The following HDAC8 variants were observed in gnomAD, a reference collection of about 807,000 sequenced individuals.
HDAC8 encodes the protein histone deacetylase-like 1.
In HDAC8, 1 loss-of-function variant was observed where a neutral mutation model predicts 32.2. The ratio of observed to expected loss-of-function variants is 0.03; its 90% confidence interval spans 0.01 to 0.15. HDAC8 has a LOEUF of 0.15. HDAC8 is among the 10% of genes least tolerant of loss of function. The pLI, the probability that HDAC8 is intolerant of heterozygous loss-of-function variation, is 1.00. For missense variants in HDAC8, 117 were observed against 300.0 expected (o/e 0.39, Z 4.51); for synonymous variants, 108 against 113.9 (o/e 0.95, Z 0.33).
At chrX:72,460,158 A>G (rs1349522400) in intron 9 of HDAC8, among the ~76,000 whole-genome samples, 1 of 110,419 alleles carries the variant, frequency 9.1e-6, no homozygotes, top group Non-Finnish European at 1.9e-5. Context: ...TTTTTTTGAG[A>G]CGGAGTGTCA....
intron 10 of HDAC8, among the ~76,000 whole-genome samples, chrX:72,346,097 A>G (rs1274109161): frequency 2.7e-5 from 3 of 112,210 alleles, no homozygotes; most frequent in Non-Finnish European, 5.6e-5. Flanking sequence ...TAGTGAAACA[A>G]GAAAGAGAGG....
At chrX:72,521,584 A>T (rs782103785) in intron 4 of HDAC8, among the ~76,000 whole-genome samples, 1 of 111,193 alleles carries the variant, frequency 9.0e-6, no homozygotes, top group South Asian at 3.8e-4. Context: ...GGTGCTGAAA[A>T]ACTGATGGGG....
At chrX:72,545,742 T>C (rs782040904) in intron 4 of HDAC8, among the ~76,000 whole-genome samples, 19 of 111,972 alleles carry the variant, frequency 1.7e-4, no homozygotes, top group South Asian at 3.8e-4. Flanking sequence ...TCTGGGCTAC[T>C]ATGGTAAAGG....
Position 72,542,975 on chromosome X carries a change from T to C in HDAC8, c.437+24914A>G, listed in dbSNP as rs1236334723. Among the ~76,000 whole-genome samples, 3 of 112,322 alleles carry C rather than the reference T, an allele frequency of 2.7e-5. No homozygotes were observed. The East Asian group carries it at 8.3e-4, about 31-fold the overall frequency. ...CTGTTTTTTGAGGTAGGTAGTATTA[T>C]CATCTCCCTTTTATAGTCAGGAACT... On this transcript the variant is annotated intron_variant, in intron 4 of 10. Transcript: ENST00000373573.
At chrX:72,453,478 A>AAGAG (rs1367867109) in intron 9 of HDAC8, among the ~76,000 whole-genome samples, 2 of 103,005 alleles carry the variant, frequency 1.9e-5, no homozygotes, top group Non-Finnish European at 3.9e-5. Flanking sequence ...GAAAGAAAGA[A>AAGAG]AGAAAGAAAG....
chrX:72,457,976 G>T (rs189904735), intron 9 of HDAC8, among the ~76,000 whole-genome samples: 2 of 111,416 alleles, frequency 1.8e-5, no homozygotes, highest in East Asian at 5.6e-4. Context: ...AAACCTATGT[G>T]ATGATACACA....
chrX:72,475,196 G>C (rs888163959), intron 7 of HDAC8, among the ~76,000 whole-genome samples: 6 of 111,738 alleles, frequency 5.4e-5, no homozygotes, highest in African/African-American at 2.0e-4. Flanking sequence ...CCTCAATAGA[G>C]ATTAAAGAAT....
chrX:72,510,643 A>G (rs781874424), intron 4 of HDAC8, among the ~76,000 whole-genome samples: 22 of 111,219 alleles, frequency 2.0e-4, no homozygotes, highest in Non-Finnish European at 4.1e-4. Flanking sequence ...ACTACAGAAA[A>G]ATCCAAGTGG....
At chrX:72,415,060 G>A in intron 9 of HDAC8, among the ~76,000 whole-genome samples, 1 of 111,966 alleles carries the variant, frequency 8.9e-6, no homozygotes, top group East Asian at 2.8e-4. Flanking sequence ...CCTCCCAATT[G>A]TTTTTATTTT....
chrX:72,476,925 G>C (rs1304846117), intron 7 of HDAC8, among the ~76,000 whole-genome samples: 1 of 111,604 alleles, frequency 9.0e-6, no homozygotes, highest in Non-Finnish European at 1.9e-5. Flanking sequence ...ATTTCATCGT[G>C]TCACTGCCCG....
chrX:72,474,703 C>G, intron 7 of HDAC8: 8 of 1,202,704 alleles, frequency 6.7e-6, no homozygotes, highest in Non-Finnish European at 9.0e-6. Context: ...CTTCTACAGG[C>G]CTGGATTTGG....
chrX:72,572,599 G>GGCCCCCC, intron 1 of HDAC8, 52 bp downstream of exon 1: 32 of 453,058 alleles, frequency 7.1e-5, no homozygotes, highest in Middle Eastern at 4.8e-4. Flanking sequence ...TTCGTCCACC[G>GGCCCCCC]CCCCCACCCC....
At chrX:72,461,232 C>T (rs2047859086) in intron 9 of HDAC8, among the ~76,000 whole-genome samples, 1 of 111,298 alleles carries the variant, frequency 9.0e-6, no homozygotes, top group Admixed American at 9.6e-5. Flanking sequence ...GTCTAAGGTC[C>T]GTAGTTATAC....
chrX:72,348,941 C>G (rs140763155), intron 10 of HDAC8, among the ~76,000 whole-genome samples: 270 of 112,106 alleles, frequency 2.4e-3, no homozygotes, highest in African/African-American at 8.4e-3. Flanking sequence ...TCACCCTCCC[C>G]CAAGGAAGGG....
chrX:72,519,021 A>G (rs1603154512), intron 4 of HDAC8, among the ~76,000 whole-genome samples: 1 of 112,781 alleles, frequency 8.9e-6, no homozygotes, highest in African/African-American at 3.2e-5. Flanking sequence ...AATTATGAAT[A>G]AAGCTGCTAT....
chrX:72,411,766 G>A (rs1217060157), intron 9 of HDAC8, among the ~76,000 whole-genome samples: 1 of 112,156 alleles, frequency 8.9e-6, no homozygotes, highest in Non-Finnish European at 1.9e-5. Flanking sequence ...TGAGCTTGTA[G>A]TATAAAATAT....
intron 4 of HDAC8, among the ~76,000 whole-genome samples, chrX:72,525,627 A>C (rs1284138253): frequency 2.8e-5 from 3 of 108,644 alleles, no homozygotes; most frequent in South Asian, 4.1e-4. Context: ...TCCTGGCTAA[A>C]ACGGTGAAAC....
chrX:72,437,857 G>A (rs1211611227), intron 9 of HDAC8, among the ~76,000 whole-genome samples: 2 of 112,310 alleles, frequency 1.8e-5, no homozygotes, highest in African/African-American at 6.5e-5. Flanking sequence ...GGCTTACGGA[G>A]AAAACTCCCA....
intron 9 of HDAC8, among the ~76,000 whole-genome samples, chrX:72,460,776 A>T (rs1555991375): frequency 8.9e-6 from 1 of 112,287 alleles, no homozygotes; most frequent in East Asian, 2.8e-4. Flanking sequence ...CAGAGCTTTA[A>T]ATTACAATGC....
Sources: gnomAD v4.1 joint callset for allele counts (sites outside exome capture counted in the v4.1 genomes callset) on GRCh38, gnomAD v4.1.1 for gene constraint, MANE v1.5 for transcripts, NCBI Gene and HGNC (gene_info 2026-07-23, HGNC 2026-07-21) for gene names.